The following BANK1 variants were observed in gnomAD, a reference collection of about 807,000 sequenced individuals.
The protein encoded by BANK1 is B-cell scaffold protein with ankyrin repeats.
BANK1 carries 95 observed loss-of-function variants against 94.5 expected under a neutral mutation model. That is an observed-to-expected ratio of 1.00 (90% CI 0.85 to 1.19). BANK1 has a LOEUF of 1.19. Ranked by LOEUF, BANK1 falls within the 50% of genes most tolerant of loss-of-function variation. The probability of loss-of-function intolerance (pLI) is 0.00; values close to 1 mark genes in which losing one functional copy is unlikely to be tolerated. For missense variants in BANK1, 987 were observed against 932.2 expected, an observed-to-expected ratio of 1.06 and a Z score of -0.77; for synonymous variants, 334 against 308.4, an observed-to-expected ratio of 1.08 and a Z score of -0.87.
chr4:101,850,777 T>C (rs571166231), intron 2 of BANK1, among the ~76,000 whole-genome samples: 1 of 152,316 alleles, frequency 6.6e-6, no homozygotes, highest in East Asian at 1.9e-4. Context: ...GTTGTGGTGA[T>C]CTGTGACAAA....
chr4:101,944,406 C>T (rs1219252352), intron 7 of BANK1, among the ~76,000 whole-genome samples: 1 of 151,840 alleles, frequency 6.6e-6, no homozygotes, highest in Non-Finnish European at 1.5e-5. Flanking sequence ...AGGATGTTCA[C>T]CCCTGTTTCC....
chr4:101,983,316 A>G (rs919967786), intron 7 of BANK1, among the ~76,000 whole-genome samples: 5 of 152,070 alleles, frequency 3.3e-5, no homozygotes, highest in Admixed American at 3.3e-4. Flanking sequence ...AGTTATTAGC[A>G]ATTTAGTGCA....
At chr4:102,017,727 A>G (rs1168478197) in intron 7 of BANK1, among the ~76,000 whole-genome samples, 1 of 152,244 alleles carries the variant, frequency 6.6e-6, no homozygotes, top group Non-Finnish European at 1.5e-5. Flanking sequence ...GTTGTGCTGA[A>G]TGAGACTTTG....
intron 6 of BANK1, among the ~76,000 whole-genome samples, chr4:101,913,057 C>T (rs1321469775): frequency 6.6e-6 from 1 of 152,128 alleles, no homozygotes; most frequent in African/African-American, 2.4e-5. Context: ...AAGCCATGGC[C>T]CTGTGCTAGA....
intron 6 of BANK1, among the ~76,000 whole-genome samples, chr4:101,900,407 A>T (rs909664561): frequency 3.9e-5 from 6 of 152,254 alleles, no homozygotes; most frequent in African/African-American, 1.4e-4. Context: ...TAATTACATA[A>T]GACAAAATAT....
At chr4:101,831,184 A>T (rs1333741657) in intron 2 of BANK1, among the ~76,000 whole-genome samples, 1 of 152,000 alleles carries the variant, frequency 6.6e-6, no homozygotes, top group Non-Finnish European at 1.5e-5. Context: ...ATCTTCATTT[A>T]TCTTTTTCCG....
intron 5 of BANK1, among the ~76,000 whole-genome samples, chr4:101,873,552 A>G (rs1373579174): frequency 1.3e-5 from 2 of 152,200 alleles, no homozygotes. Context: ...CGTTCTGTGA[A>G]TTTGAGAAAA....
chr4:102,059,156 A>G (rs1728331666), intron 11 of BANK1, among the ~76,000 whole-genome samples: 1 of 152,212 alleles, frequency 6.6e-6, no homozygotes, highest in South Asian at 2.1e-4. Context: ...CCTTGTTAAT[A>G]TCGTCTGGAT....
intron 11 of BANK1, among the ~76,000 whole-genome samples, chr4:102,051,604 C>A (rs1447282267): frequency 6.6e-6 from 1 of 152,054 alleles, no homozygotes; most frequent in African/African-American, 2.4e-5. Context: ...GTAGTCTACC[C>A]CTACTGTCTA....
intron 1 of BANK1, among the ~76,000 whole-genome samples, chr4:101,818,818 G>A (rs1289083260): frequency 6.6e-6 from 1 of 151,270 alleles, no homozygotes; most frequent in Non-Finnish European, 1.5e-5. Flanking sequence ...GTAGTTTCAG[G>A]GATCCGCTGG....
intron 2 of BANK1, among the ~76,000 whole-genome samples, chr4:101,846,188 A>G (rs369739376): frequency 2.0e-5 from 3 of 152,234 alleles, no homozygotes; most frequent in Non-Finnish European, 4.4e-5. Context: ...ATGTCCAACA[A>G]TGATAGACTG....
chr4:101,837,158 C>T (rs1465463867), intron 2 of BANK1, among the ~76,000 whole-genome samples: 3 of 152,114 alleles, frequency 2.0e-5, no homozygotes, highest in Admixed American at 1.3e-4. Flanking sequence ...GGATTTAAAA[C>T]ACTTACTTTG....
At chr4:102,010,145 G>A (rs928498715) in intron 7 of BANK1, among the ~76,000 whole-genome samples, 10 of 151,590 alleles carry the variant, frequency 6.6e-5, no homozygotes, top group Non-Finnish European at 1.2e-4. Flanking sequence ...GGCGCCTGTA[G>A]TCCCAGCTAC....
At position 101,803,997 on chromosome 4, in the gene BANK1, C is replaced by CAAAAAAAAAAAAAAAA. The variant is rs55704915; in HGVS notation, c.70+13060_70+13075dup. On this transcript the variant is annotated intron_variant, in intron 1 of 16. Transcript: ENST00000322953. ...TGGGCGACAGAGCGAGACTCCGTCTCAAAAAAAAAAAAAAAAAAAAAAAAA... is the reference window on the plus strand; with the variant it reads ...TGGGCGACAGAGCGAGACTCCGTCTCAAAAAAAAAAAAAAAAAAAAAAAAAAAAAAAAAAAAAAAAA... Among the ~76,000 whole-genome samples, 8 of 68,388 alleles carry CAAAAAAAAAAAAAAAA rather than the reference C, an allele frequency of 1.2e-4. No homozygotes were observed. In the South Asian group the frequency reaches 2.4e-3, roughly 20 times the overall value. 44.9% of individuals were successfully genotyped at this position (68,388 alleles called of 152,430 possible).
rs192248724 is a variant in BANK1, at chr4:101,973,919, C to G, written c.1207-47595C>G. ...TCCTAACTAGCTACTGAATTTCAGA[C>G]CAATGCTCTGTTAAAAAGTGATATT... On this transcript the variant is annotated intron_variant, in intron 7 of 16. Coordinates refer to ENST00000322953, the MANE Select transcript of BANK1 (RefSeq NM_017935.5). 1.1e-3 allele frequency among the ~76,000 whole-genome samples: 163 copies of G among 152,016 alleles called. 1 individual carries two copies. The highest frequency in any genetic ancestry group is 3.9e-3 in the African/African-American group (162 of 41,490).
At chr4:101,846,853 C>T (rs1234161988) in intron 2 of BANK1, among the ~76,000 whole-genome samples, 2 of 152,146 alleles carry the variant, frequency 1.3e-5, no homozygotes, top group Non-Finnish European at 2.9e-5. Context: ...TAGTAGTGAT[C>T]AAGGTTCTCT....
intron 1 of BANK1, among the ~76,000 whole-genome samples, chr4:101,808,501 A>G (rs1393331503): frequency 6.6e-6 from 1 of 152,168 alleles, no homozygotes; most frequent in Non-Finnish European, 1.5e-5. Context: ...GTCTTTAATG[A>G]TCACCATTAG....
At chr4:102,025,627 C>A in intron 9 of BANK1, 118 bp downstream of exon 9, 1 of 906,732 alleles carries the variant, frequency 1.1e-6, no homozygotes, top group Non-Finnish European at 1.6e-6. Flanking sequence ...AAACCAATAG[C>A]AACATTCTTC....
intron 10 of BANK1, among the ~76,000 whole-genome samples, chr4:102,031,457 T>A (rs1682868238): frequency 6.6e-6 from 1 of 152,220 alleles, no homozygotes; most frequent in Admixed American, 6.5e-5. Flanking sequence ...ATCCCATTTG[T>A]CAATTTTGTC....
Sources: allele counts gnomAD v4.1 joint callset (sites outside exome capture counted in the v4.1 genomes callset), GRCh38; gene constraint gnomAD v4.1.1; transcripts MANE v1.5; gene names NCBI Gene and HGNC (gene_info 2026-07-23, HGNC 2026-07-21).